The following TRABD2B variants were observed in gnomAD, a reference collection of about 807,000 sequenced individuals.
TRABD2B encodes the protein metalloprotease TIKI2.
Under a neutral mutation model 40.1 loss-of-function variants are expected in TRABD2B, and 14 were observed. The ratio of observed to expected loss-of-function variants is 0.35; its 90% CI spans 0.23 to 0.55. The LOEUF is 0.55. Among genes scored for constraint, TRABD2B ranks in the 20% least tolerant of loss-of-function variants. The pLI is 0.90. For synonymous variants in TRABD2B, 263 were observed against 277.0 expected (o/e 0.95, Z 0.50); for missense variants, 541 against 648.6 (o/e 0.83, Z 1.80).
At chr1:47,885,793 T>C (rs1342060571) in intron 2 of TRABD2B, among the ~76,000 whole-genome samples, 1 of 152,194 alleles carries the variant, frequency 6.6e-6, no homozygotes, top group Non-Finnish European at 1.5e-5. Flanking sequence ...TCTAGGCTCC[T>C]TCTGTCCTGA....
At chr1:47,871,561 G>A (rs964267940) in intron 2 of TRABD2B, among the ~76,000 whole-genome samples, 2 of 152,126 alleles carry the variant, frequency 1.3e-5, no homozygotes, top group Non-Finnish European at 2.9e-5. Flanking sequence ...CATCCTCTGT[G>A]GGCTGGTTCC....
At chr1:47,891,856 A>G (rs1033942581) in intron 2 of TRABD2B, among the ~76,000 whole-genome samples, 8 of 149,142 alleles carry the variant, frequency 5.4e-5, no homozygotes, top group Non-Finnish European at 1.2e-4. Flanking sequence ...AAAATGAAAG[A>G]AAAAAAAAAG....
At chr1:47,805,097 G>A (rs1379055184) in intron 2 of TRABD2B, among the ~76,000 whole-genome samples, 1 of 152,106 alleles carries the variant, frequency 6.6e-6, no homozygotes, top group African/African-American at 2.4e-5. Context: ...CAGGCAGGAT[G>A]GGGCTTGCCT....
chr1:47,783,593 T>C (rs897813230), intron 4 of TRABD2B, among the ~76,000 whole-genome samples: 3 of 152,206 alleles, frequency 2.0e-5, no homozygotes, highest in East Asian at 1.9e-4. Context: ...CCTGCCTACC[T>C]TGAGAGAAGC....
intron 2 of TRABD2B, among the ~76,000 whole-genome samples, chr1:47,954,721 G>C (rs1035570513): frequency 6.6e-6 from 1 of 152,158 alleles, no homozygotes; most frequent in Non-Finnish European, 1.5e-5. Context: ...CAGGCTGGAC[G>C]AAGTTGCAGA....
intron 2 of TRABD2B, among the ~76,000 whole-genome samples, chr1:47,836,874 G>A (rs1645326407): frequency 6.6e-6 from 1 of 152,160 alleles, no homozygotes; most frequent in Admixed American, 6.5e-5. Flanking sequence ...TGAATATGCT[G>A]GTGCCTTGAT....
At chr1:47,975,062 T>C (rs1237162025) in intron 2 of TRABD2B, among the ~76,000 whole-genome samples, 2 of 152,128 alleles carry the variant, frequency 1.3e-5, no homozygotes, top group African/African-American at 4.8e-5. Context: ...GAAGGGATGA[T>C]AAGTAAACGT....
intron 2 of TRABD2B, among the ~76,000 whole-genome samples, chr1:47,940,651 C>T (rs1261055310): frequency 6.6e-6 from 1 of 152,194 alleles, no homozygotes; most frequent in East Asian, 1.9e-4. Context: ...TCCTGAGCCC[C>T]GCTACAGTGC....
At chr1:47,975,164 A>G (rs1645738198) in intron 2 of TRABD2B, among the ~76,000 whole-genome samples, 1 of 152,236 alleles carries the variant, frequency 6.6e-6, no homozygotes, top group Admixed American at 6.5e-5. Context: ...TTAGTTAATA[A>G]TGATGTATCA....
intron 4 of TRABD2B, among the ~76,000 whole-genome samples, chr1:47,786,264 C>A (rs183053099): frequency 8.3e-4 from 126 of 152,382 alleles, no homozygotes; most frequent in African/African-American, 2.9e-3. Flanking sequence ...TGCTTTTAAT[C>A]TACACTTTCT....
intron 2 of TRABD2B, among the ~76,000 whole-genome samples, chr1:47,945,055 T>C (rs752114231): frequency 1.1e-4 from 15 of 131,102 alleles, no homozygotes; most frequent in East Asian, 5.0e-4. Flanking sequence ...TGGGGGTGGG[T>C]GGGGAACAGA....
chr1:47,955,949 T>G (rs900920812), intron 2 of TRABD2B, among the ~76,000 whole-genome samples: 2 of 152,194 alleles, frequency 1.3e-5, no homozygotes, highest in Non-Finnish European at 2.9e-5. Context: ...TCTCCTTGCT[T>G]GGCACATAGA....
chr1:47,949,401 C>T (rs369931832), intron 2 of TRABD2B, among the ~76,000 whole-genome samples: 2 of 80,288 alleles, frequency 2.5e-5, no homozygotes, highest in African/African-American at 4.7e-5. Context: ...TCTTTTCTTT[C>T]TTTTTTTTTT....
intron 4 of TRABD2B, among the ~76,000 whole-genome samples, chr1:47,781,381 C>T (rs1362858454): frequency 1.3e-5 from 2 of 152,196 alleles, no homozygotes; most frequent in Non-Finnish European, 2.9e-5. Flanking sequence ...TGCGCGGCTG[C>T]TCCAAGAGGA....
intron 2 of TRABD2B, among the ~76,000 whole-genome samples, chr1:47,977,932 T>C (rs1645782525): frequency 6.6e-6 from 1 of 151,944 alleles, no homozygotes; most frequent in Non-Finnish European, 1.5e-5. Flanking sequence ...CATCTCTGGG[T>C]TTCATGTTCC....
At chr1:47,885,001 AC>A (rs1469393804) in intron 2 of TRABD2B, among the ~76,000 whole-genome samples, 1 of 151,304 alleles carries the variant, frequency 6.6e-6, no homozygotes, top group Non-Finnish European at 1.5e-5. Flanking sequence ...TGAACATAGC[AC>A]CCCTCCCCTT....
intron 2 of TRABD2B, among the ~76,000 whole-genome samples, chr1:47,877,054 T>C (rs964809052): frequency 3.3e-5 from 5 of 152,230 alleles, no homozygotes; most frequent in African/African-American, 9.6e-5. Flanking sequence ...ATAAGTATCA[T>C]GAAGGGCTCA....
intron 2 of TRABD2B, among the ~76,000 whole-genome samples, chr1:47,814,675 C>T (rs1031856009): frequency 9.9e-5 from 15 of 152,112 alleles, no homozygotes; most frequent in African/African-American, 4.8e-5. Flanking sequence ...CTTGAGGGAG[C>T]GGTTGGACAA....
intron 2 of TRABD2B, among the ~76,000 whole-genome samples, chr1:47,848,783 AATC>A (rs2124513081): frequency 6.6e-6 from 1 of 152,330 alleles, no homozygotes; most frequent in South Asian, 2.1e-4. Context: ...AATAATGGGA[AATC>A]ATGGCCTGTC....
Sources: gnomAD v4.1 joint callset for allele counts (sites outside exome capture counted in the v4.1 genomes callset) on GRCh38, gnomAD v4.1.1 for gene constraint, MANE v1.5 for transcripts, NCBI Gene and HGNC (gene_info 2026-07-23, HGNC 2026-07-21) for gene names.